Variants in RGS6 observed in about 807,000 individuals in gnomAD.
RGS6 encodes the protein regulator of G-protein signaling 6.
Under a neutral mutation model 78.5 loss-of-function variants are expected in RGS6, and 30 were observed. The observed-to-expected ratio is 0.38, with a 90% CI of 0.29 to 0.52. RGS6 has a LOEUF of 0.52. Ranked by LOEUF, RGS6 falls within the 20% of genes least tolerant of loss-of-function variation. The pLI is 0.85. For synonymous variants in RGS6, 206 were observed against 206.0 expected (o/e 1.00, Z 0.00); for missense variants, 495 against 609.7 (o/e 0.81, Z 1.98).
the RGS6 span, among the ~76,000 whole-genome samples, chr14:72,585,051 T>C: frequency 1.4e-5 from 2 of 144,808 alleles, no homozygotes; most frequent in Admixed American, 6.6e-5. Flanking sequence ...GTCGTCTTCA[T>C]TTCCAAAAAA....
chr14:71,905,821 G>C, the RGS6 span, among the ~76,000 whole-genome samples: 1 of 152,204 alleles, frequency 6.6e-6, no homozygotes, highest in Admixed American at 6.5e-5. Flanking sequence ...GAGGCTTGAA[G>C]CTGCCTACCC....
At chr14:72,394,545 G>A (rs1037805390) in intron 3 of RGS6, among the ~76,000 whole-genome samples, 13 of 152,168 alleles carry the variant, frequency 8.5e-5, no homozygotes, top group African/African-American at 3.1e-4. Flanking sequence ...GTTCCTTGCT[G>A]AGAAAAAGAC....
intron 2 of RGS6, among the ~76,000 whole-genome samples, chr14:72,059,142 C>T (rs2093766005): frequency 1.3e-5 from 2 of 152,156 alleles, no homozygotes; most frequent in Admixed American, 6.5e-5. Flanking sequence ...TCAAGTGATC[C>T]GCCTGCCTCA....
At position 72,042,418 on chromosome 14, in the gene RGS6, C is replaced by A. The variant is rs57294622; in HGVS notation, c.84+77543C>A. ...TGCTGGGATTATGGGCATGAGCCAC[C>A]GCACCCAGCCTCTAATACTTTTCTA... On this transcript the variant is annotated intron_variant, in intron 2 of 17. Transcript: ENST00000553525. 3.3e-5 allele frequency among the ~76,000 whole-genome samples: 5 copies of A among 152,002 alleles called. No homozygotes were observed. The East Asian group carries it at 9.7e-4, about 29-fold the overall frequency.
the RGS6 span, among the ~76,000 whole-genome samples, chr14:71,882,505 G>A: frequency 8.5e-5 from 13 of 152,240 alleles, no homozygotes; most frequent in East Asian, 1.2e-3. Flanking sequence ...GCAGAACTTG[G>A]AACTAGGCAA....
downstream of RGS6, among the ~76,000 whole-genome samples, chr14:72,568,720 C>A (rs1599257746): frequency 1.3e-5 from 2 of 152,226 alleles, no homozygotes. Context: ...GTCTGACGGA[C>A]CTCATGGCTA....
At chr14:72,102,692 C>T (rs901557149) in intron 2 of RGS6, among the ~76,000 whole-genome samples, 9 of 152,032 alleles carry the variant, frequency 5.9e-5, no homozygotes, top group East Asian at 1.9e-4. Context: ...AGTTTTCACA[C>T]GTACACAATG....
the RGS6 span, among the ~76,000 whole-genome samples, chr14:72,624,679 C>T: frequency 2.0e-5 from 3 of 152,286 alleles, no homozygotes; most frequent in South Asian, 4.1e-4. Context: ...ATCCAAGATC[C>T]CTCATTGCAT....
intron 2 of RGS6, among the ~76,000 whole-genome samples, chr14:72,137,620 T>G (rs2096465452): frequency 6.6e-6 from 1 of 152,240 alleles, no homozygotes; most frequent in South Asian, 2.1e-4. Flanking sequence ...TACTTGCTAC[T>G]GCCCATTTAT....
rs147719424 is a variant in RGS6, at chr14:72,127,197, T to C, written c.84+162322T>C. On this transcript the variant is annotated intron_variant, in intron 2 of 17. Transcript: ENST00000553525. ...ACAATCAAAGTGATGGGGAAAGTTATAAAAATAGGAAAAAAATATTTAGAT... is the reference window on the plus strand; with the variant it reads ...ACAATCAAAGTGATGGGGAAAGTTACAAAAATAGGAAAAAAATATTTAGAT... Among the ~76,000 whole-genome samples the C allele has an allele frequency of 3.3e-5, 5 of 152,258 alleles. No homozygotes were observed. The East Asian group carries it at 9.6e-4, about 29-fold the overall frequency.
chr14:71,951,131 A>C (rs1425541891), intron 1 of RGS6, among the ~76,000 whole-genome samples: 2 of 152,216 alleles, frequency 1.3e-5, no homozygotes, highest in Non-Finnish European at 2.9e-5. Flanking sequence ...AGCACTTTTC[A>C]TGATAGCAAA....
chr14:72,625,907 A>G, the RGS6 span, among the ~76,000 whole-genome samples: 3 of 152,320 alleles, frequency 2.0e-5, no homozygotes, highest in East Asian at 5.8e-4. Context: ...GTTCAAATCT[A>G]GCATACGTAG....
At chr14:72,244,427 A>G (rs956014750) in intron 2 of RGS6, among the ~76,000 whole-genome samples, 3 of 152,146 alleles carry the variant, frequency 2.0e-5, no homozygotes, top group South Asian at 2.1e-4. Context: ...GATGCTATCT[A>G]TACCTTAGCC....
chr14:72,470,803 C>T (rs1055800752), intron 8 of RGS6, among the ~76,000 whole-genome samples: 3 of 150,814 alleles, frequency 2.0e-5, no homozygotes, highest in African/African-American at 7.3e-5. Flanking sequence ...TGCTTGAACC[C>T]GGGAAGTGGA....
At chr14:72,566,629 T>TCTCACACACA (rs1349119393), downstream of RGS6, 17 of 105,894 alleles carry the variant, frequency 1.6e-4, no homozygotes, top group African/African-American at 6.6e-4. Flanking sequence ...TTCCCCATTA[T>TCTCACACACA]CACACACACA....
intron 2 of RGS6, among the ~76,000 whole-genome samples, chr14:72,171,605 A>G (rs562811560): frequency 1.3e-5 from 2 of 152,294 alleles, no homozygotes; most frequent in African/African-American, 4.8e-5. Context: ...TGGGGGGAGT[A>G]TTCACCTTCT....
intron 2 of RGS6, among the ~76,000 whole-genome samples, chr14:72,110,700 A>G (rs2153545689): frequency 6.6e-6 from 1 of 152,328 alleles, no homozygotes; most frequent in East Asian, 1.9e-4. Flanking sequence ...TTGCTTTGGT[A>G]TGTAAGGCTG....
At chr14:72,071,064 C>T (rs1342190073) in intron 2 of RGS6, among the ~76,000 whole-genome samples, 1 of 151,492 alleles carries the variant, frequency 6.6e-6, no homozygotes, top group Admixed American at 6.6e-5. Flanking sequence ...TGGATGTAGT[C>T]GCCTTTGATT....
chr14:72,545,160 T>G (rs2097375396), intron 17 of RGS6, among the ~76,000 whole-genome samples: 1 of 152,246 alleles, frequency 6.6e-6, no homozygotes, highest in South Asian at 2.1e-4. Context: ...TCCAAAGGGT[T>G]AGTTTTTATT....
Sources: allele counts gnomAD v4.1 joint callset (sites outside exome capture counted in the v4.1 genomes callset), GRCh38; gene constraint gnomAD v4.1.1; transcripts MANE v1.5; gene names NCBI Gene and HGNC (gene_info 2026-07-23, HGNC 2026-07-21).